Variants in ANP32B observed in about 807,000 individuals in gnomAD.
ANP32B encodes the protein acidic nuclear phosphoprotein 32 family member B.
A neutral mutation model predicts 32.2 loss-of-function variants in ANP32B; 6 were observed. That is an observed-to-expected ratio of 0.19 (90% CI 0.10 to 0.37). The LOEUF is 0.37. Ranked by LOEUF, ANP32B falls within the 10% of genes least tolerant of loss-of-function variation. The probability of loss-of-function intolerance (pLI) is 1.00; values close to 1 mark genes in which losing one functional copy is unlikely to be tolerated. For synonymous variants in ANP32B, 98 were observed against 105.8 expected, an observed-to-expected ratio of 0.93 and a Z score of 0.45; for missense variants, 204 against 289.2, an observed-to-expected ratio of 0.71 and a Z score of 2.14.
chr9:98,011,350 T>A lies in ANP32B; in HGVS notation c.597T>A (p.Asp199Glu). The A allele has an allele frequency of 6.6e-7, 1 of 1,519,574 alleles. No individual in the cohort carries two copies. Among genetic ancestry groups the A allele is most frequent in the Non-Finnish European group, 9.0e-7 (1 of 1,111,396 alleles). The allele number at this position is 1,519,574 out of a possible 1,614,324, so 94.1% of individuals were successfully genotyped here. A position where few individuals can be genotyped will look rare whatever the true frequency, so the allele number is the denominator to read the frequency against. Residue 199 changes from aspartate (D) to glutamate (E), a missense_variant, in exon 5 of 7, where the codon GAT (aspartate) becomes GAA (glutamate). By Grantham distance (45) the Asp-to-Glu change is conservative (BLOSUM62 2). Transcript: ENST00000339399. The part of the protein sequence containing the change: ...EFDEEDDEDE[D>E]VEGDEDDDEV... The stretch of plus-strand genomic sequence containing the variant: ...ATGAAGAAGATGATGAAGATGAAGA[T>A]GTAGAAGGGGATGAGGACGACGATG...
chr9:98,003,555 A>G lies in ANP32B; in HGVS notation c.328-1409A>G, dbSNP rs917790912. ...ATTGGCCACTGGACCACCGGTTCCCAACCCCTGCTCTAGAGCCTTGAGGCA... is the reference window on the plus strand; with the variant it reads ...ATTGGCCACTGGACCACCGGTTCCCGACCCCTGCTCTAGAGCCTTGAGGCA... On this transcript the variant is annotated intron_variant, in intron 3 of 6. Transcript: ENST00000339399. Among the ~76,000 whole-genome samples, 4 of 152,308 alleles carry G rather than the reference A, an allele frequency of 2.6e-5. No homozygotes were observed. In the East Asian group the frequency reaches 7.7e-4, roughly 29 times the overall value.
In ANP32B at chr9:98,015,887, C is replaced by G; in HGVS notation, c.*456C>G. On this transcript the variant is annotated 3_prime_UTR_variant, in exon 7 of 7. Transcript: ENST00000339399. ...TACATTAGGACATTTTATGTGACAACTGCCAAAAAAGTATTTTTAAGAATT... is the reference window on the plus strand; with the variant it reads ...TACATTAGGACATTTTATGTGACAAGTGCCAAAAAAGTATTTTTAAGAATT... 2.1e-6 allele frequency: 2 copies of G among 972,320 alleles called. No individual in the cohort carries two copies. Among genetic ancestry groups the G allele is most frequent in the African/African-American group, 3.5e-5 (2 of 56,886 alleles). 60.2% of individuals were successfully genotyped at this position (972,320 alleles called of 1,614,324 possible).
At chr9:98,012,788 T>C (rs1828209487) in intron 6 of ANP32B, among the ~76,000 whole-genome samples, 1 of 152,238 alleles carries the variant, frequency 6.6e-6, no homozygotes, top group African/African-American at 2.4e-5. Context: ...TGGAGTGCAG[T>C]GGCACGATCT....
chr9:97,989,611 C>G (rs1827791145), intron 1 of ANP32B, among the ~76,000 whole-genome samples: 1 of 152,096 alleles, frequency 6.6e-6, no homozygotes, highest in Admixed American at 6.5e-5. Flanking sequence ...TAAGAAGAAA[C>G]TAGGGCCTTT....
At chr9:97,991,476 G>A (rs563940833) in intron 1 of ANP32B, among the ~76,000 whole-genome samples, 2 of 152,170 alleles carry the variant, frequency 1.3e-5, no homozygotes, top group Admixed American at 6.5e-5. Context: ...TCCTTCGTTA[G>A]TGTTTCTGCT....
At chr9:98,000,861 G>A (rs1381519837) in intron 3 of ANP32B, among the ~76,000 whole-genome samples, 1 of 150,610 alleles carries the variant, frequency 6.6e-6, no homozygotes, top group Non-Finnish European at 1.5e-5. Flanking sequence ...GGCGAAGGTT[G>A]CAGTGAGCTG....
At chr9:98,009,672 G>T (rs567501107) in intron 4 of ANP32B, among the ~76,000 whole-genome samples, 2 of 152,360 alleles carry the variant, frequency 1.3e-5, no homozygotes, top group South Asian at 4.1e-4. Context: ...CCTGCTGTGC[G>T]GCCCAGGCCA....
In ANP32B at chr9:98,005,249, G is replaced by T; in HGVS notation, c.517+96G>T. ...TGGCCGGGCGCAGTGGCACACAACC[G>T]TAATCCCAGCACTTTGGGTGGCCGA... On this transcript the variant is annotated intron_variant, in intron 4 of 6. Transcript: ENST00000339399. 6 of 1,209,744 alleles carry T rather than the reference G, an allele frequency of 5.0e-6. No individual in the cohort carries two copies. The South Asian group carries it at 9.0e-5, about 18-fold the overall frequency. 74.9% of individuals were successfully genotyped at this position (1,209,744 alleles called of 1,614,324 possible).
chr9:98,000,802 A>G (rs1827976875), intron 3 of ANP32B, among the ~76,000 whole-genome samples: 1 of 151,812 alleles, frequency 6.6e-6, no homozygotes, highest in African/African-American at 2.4e-5. Flanking sequence ...GGCGCCTATA[A>G]TTCCAGCTAC....
In ANP32B at chr9:97,983,513, C is replaced by T. The variant is rs752429549; in HGVS notation, c.-43C>T. 5.0e-5 allele frequency: 77 copies of T among 1,528,934 alleles called. No individual in the cohort carries two copies. In the South Asian group the frequency reaches 8.6e-4, roughly 17 times the overall value. The allele number at this position is 1,528,934 out of a possible 1,614,324, so 94.7% of individuals were successfully genotyped here. ...CGGGACGCCTCTCCCCCCTCCGCCCCCGCCGCGGAAAGTTAAGTTTGAAGA... is the reference window on the plus strand; with the variant it reads ...CGGGACGCCTCTCCCCCCTCCGCCCTCGCCGCGGAAAGTTAAGTTTGAAGA... On this transcript the variant is annotated 5_prime_UTR_variant, in exon 1 of 7. Transcript: ENST00000339399.
rs532947851 is a variant in ANP32B, at chr9:97,987,751, CTT to C, written c.54+4144_54+4145del. 5.9e-5 allele frequency: 9 copies of C among 152,282 alleles called. No homozygotes were observed. In the South Asian group the frequency reaches 1.4e-3, roughly 25 times the overall value. 9.4% of individuals were successfully genotyped at this position (152,282 alleles called of 1,614,324 possible). ...ACATTTCATATACCAAAATAAAAGT[CTT>C]TACGTAGTCCCAATTTACTGAGAAA... On this transcript the variant is annotated intron_variant, in intron 1 of 6. Coordinates refer to ENST00000339399, the MANE Select transcript of ANP32B (RefSeq NM_006401.3).
At chr9:98,001,577 G>A (rs1008717798) in intron 3 of ANP32B, among the ~76,000 whole-genome samples, 12 of 152,112 alleles carry the variant, frequency 7.9e-5, no homozygotes, top group African/African-American at 2.9e-4. Context: ...CCTAGTTCTC[G>A]TGGCAGCCTG....
chr9:98,011,508 A>G (rs1194611100), intron 5 of ANP32B, 119 bp downstream of exon 5: 13 of 1,351,390 alleles, frequency 9.6e-6, no homozygotes, highest in African/African-American at 1.5e-5. Flanking sequence ...ATACCTGTGA[A>G]TACATTTACA....
At chr9:97,984,129 C>T (rs1296043573) in intron 1 of ANP32B, among the ~76,000 whole-genome samples, 38 of 149,756 alleles carry the variant, frequency 2.5e-4, no homozygotes, top group African/African-American at 7.5e-4. Flanking sequence ...CCGGCCCGGC[C>T]GAGGTCAGCA....
At chr9:98,006,827 A>G (rs983460449) in intron 4 of ANP32B, among the ~76,000 whole-genome samples, 4 of 152,108 alleles carry the variant, frequency 2.6e-5, no homozygotes, top group Non-Finnish European at 4.4e-5. Context: ...TGGCTCTGCA[A>G]AAATACAAAA....
intron 2 of ANP32B, among the ~76,000 whole-genome samples, chr9:97,995,930 TAAAAAAAAAA>T (rs570340593): frequency 8.6e-6 from 1 of 116,660 alleles, no homozygotes; most frequent in Non-Finnish European, 1.8e-5. Context: ...TGTCTCGATT[TAAAAAAAAAA>T]AAAAAAAAAA....
chr9:97,984,572 C>T (rs1411181008), intron 1 of ANP32B: 1 of 138,860 alleles, frequency 7.2e-6, no homozygotes, highest in East Asian at 2.0e-4. Flanking sequence ...CACAGGCCGC[C>T]GCAGCGCCAT....
At chr9:97,996,093 G>A (rs1015648327) in intron 2 of ANP32B, among the ~76,000 whole-genome samples, 2 of 152,136 alleles carry the variant, frequency 1.3e-5, no homozygotes, top group African/African-American at 4.8e-5. Context: ...CCCCTTCTAA[G>A]TATACTAGAG....
At chr9:98,009,155 C>T (rs1374266798) in intron 4 of ANP32B, among the ~76,000 whole-genome samples, 2 of 152,154 alleles carry the variant, frequency 1.3e-5, no homozygotes, top group Non-Finnish European at 2.9e-5. Context: ...GTTTTTCATT[C>T]ATAAGGGAAA....
Sources: gnomAD v4.1 joint callset for allele counts (sites outside exome capture counted in the v4.1 genomes callset) on GRCh38, gnomAD v4.1.1 for gene constraint, MANE v1.5 for transcripts, NCBI Gene and HGNC (gene_info 2026-07-23, HGNC 2026-07-21) for gene names.